Variants in PRIMPOL observed in about 807,000 individuals in gnomAD.
PRIMPOL encodes the protein DNA-directed primase/polymerase protein.
In PRIMPOL, 54 loss-of-function variants were observed where a neutral mutation model predicts 63.6. The observed-to-expected ratio is 0.85, with a 90% CI of 0.68 to 1.07. The LOEUF (loss-of-function observed/expected upper bound fraction) is 1.07, where lower values mean the gene tolerates loss of function less well. PRIMPOL is among the 50% of genes least tolerant of loss of function. PRIMPOL has a pLI of 0.00. For missense variants in PRIMPOL, 610 were observed against 648.3 expected, an observed-to-expected ratio of 0.94 and a Z score of 0.64; for synonymous variants, 197 against 220.2, an observed-to-expected ratio of 0.89 and a Z score of 0.93.
At chr4:184,662,575 A>T (rs983053178) in intron 5 of PRIMPOL, among the ~76,000 whole-genome samples, 1 of 152,174 alleles carries the variant, frequency 6.6e-6, no homozygotes, top group African/African-American at 2.4e-5. Context: ...TTCAAAAAAA[A>T]TTTTCAGATT....
chr4:184,685,074 G>A (rs1299193140), intron 9 of PRIMPOL, among the ~76,000 whole-genome samples: 1 of 152,154 alleles, frequency 6.6e-6, no homozygotes, highest in African/African-American at 2.4e-5. Context: ...TGAGGTAGGC[G>A]TGCCAGGCTA....
intron 5 of PRIMPOL, among the ~76,000 whole-genome samples, chr4:184,662,890 A>G (rs1748749905): frequency 1.3e-5 from 2 of 151,762 alleles, no homozygotes; most frequent in South Asian, 4.1e-4. Context: ...AGAAATATAT[A>G]TAAAGTCCCC....
chr4:184,670,496 A>T (rs1751277382), intron 6 of PRIMPOL, among the ~76,000 whole-genome samples: 1 of 151,684 alleles, frequency 6.6e-6, no homozygotes, highest in Admixed American at 6.6e-5. Context: ...TGATTTTGAC[A>T]TTTAGTGCTT....
At chr4:184,674,528 T>A (rs958719714) in intron 7 of PRIMPOL, among the ~76,000 whole-genome samples, 4 of 152,190 alleles carry the variant, frequency 2.6e-5, no homozygotes, top group African/African-American at 4.8e-5. Flanking sequence ...TGGAATCATA[T>A]ACAGTTGACT....
At chr4:184,694,376 A>G in intron 13 of PRIMPOL, 146 bp from the exon 14 acceptor site, 1 of 1,414,584 alleles carries the variant, frequency 7.1e-7, no homozygotes, top group Non-Finnish European at 9.2e-7. Flanking sequence ...CCACGGTGAG[A>G]TATCGGAGAC....
chr4:184,652,826 G>C (rs1290159940), intron 2 of PRIMPOL, among the ~76,000 whole-genome samples: 1 of 151,226 alleles, frequency 6.6e-6, no homozygotes, highest in African/African-American at 2.4e-5. Flanking sequence ...TGGGGAATAG[G>C]AATTGACCAG....
In PRIMPOL at chr4:184,684,047, C is replaced by A. The variant is rs186220030; in HGVS notation, c.1097-1362C>A. On this transcript the variant is annotated intron_variant, in intron 9 of 13. Coordinates refer to ENST00000314970, the MANE Select transcript of PRIMPOL (RefSeq NM_152683.4). ...GTATTTATAGACATTGATTTAGAGTCTGCCTCTCACATTTCCACATTAATA... is the reference window on the plus strand; with the variant it reads ...GTATTTATAGACATTGATTTAGAGTATGCCTCTCACATTTCCACATTAATA... Among the ~76,000 whole-genome samples, 392 of 152,284 alleles carry A rather than the reference C, an allele frequency of 2.6e-3. 1 individual carries two copies. The highest frequency in any genetic ancestry group is 4.0e-3 in the Non-Finnish European group (270 of 68,028).
At chr4:184,684,411 G>A (rs1223189037) in intron 9 of PRIMPOL, among the ~76,000 whole-genome samples, 1 of 151,112 alleles carries the variant, frequency 6.6e-6, no homozygotes, top group Non-Finnish European at 1.5e-5. Flanking sequence ...AGCCGAGATC[G>A]CGCCACTGCA....
chr4:184,684,852 A>G (rs1756596700), intron 9 of PRIMPOL, among the ~76,000 whole-genome samples: 1 of 152,196 alleles, frequency 6.6e-6, no homozygotes, highest in Admixed American at 6.5e-5. Context: ...ACTTTGTTAA[A>G]AAAAACAAAC....
At chr4:184,670,651 C>T (rs2150085267) in intron 6 of PRIMPOL, among the ~76,000 whole-genome samples, 1 of 150,952 alleles carries the variant, frequency 6.6e-6, no homozygotes, top group South Asian at 2.1e-4. Flanking sequence ...CAGGTTCAAG[C>T]AATTCTCTTG....
At chr4:184,659,230 CA>C (rs1159720075) in intron 3 of PRIMPOL, 109 bp from the exon 4 acceptor site, 1 of 758,696 alleles carries the variant, frequency 1.3e-6, no homozygotes, top group African/African-American at 1.8e-5. Flanking sequence ...GTTCAAATTA[CA>C]GTTTCTGAAA....
intron 8 of PRIMPOL, 74 bp downstream of exon 8, chr4:184,678,468 T>A: frequency 9.6e-7 from 1 of 1,036,984 alleles, no homozygotes; most frequent in Non-Finnish European, 1.4e-6. Context: ...TGTATATTAC[T>A]AAAATGTAAA....
intron 13 of PRIMPOL, among the ~76,000 whole-genome samples, chr4:184,692,197 G>A (rs1387456080): frequency 1.3e-5 from 2 of 152,058 alleles, no homozygotes; most frequent in Non-Finnish European, 1.5e-5. Context: ...AATTAGGTCA[G>A]GCACAGTGGC....
intron 6 of PRIMPOL, among the ~76,000 whole-genome samples, chr4:184,666,319 C>T (rs1389115043): frequency 5.3e-5 from 8 of 152,076 alleles, no homozygotes; most frequent in Non-Finnish European, 2.9e-5. Flanking sequence ...ACTAATTAGC[C>T]GGGCATGGTG....
At chr4:184,685,315 G>A (rs1183478514) in intron 9 of PRIMPOL, 94 bp from the exon 10 acceptor site, 5 of 897,400 alleles carry the variant, frequency 5.6e-6, no homozygotes, top group Admixed American at 2.0e-5. Context: ...CTGAGAGATT[G>A]CAAAACCCGT....
intron 2 of PRIMPOL, among the ~76,000 whole-genome samples, chr4:184,655,725 G>A (rs369264838): frequency 7.2e-5 from 11 of 152,094 alleles, no homozygotes; most frequent in Admixed American, 2.6e-4. Flanking sequence ...TCAAGACAAT[G>A]TTTATCAACT....
At chr4:184,672,884 G>A (rs868202504) in intron 7 of PRIMPOL, among the ~76,000 whole-genome samples, 1 of 152,134 alleles carries the variant, frequency 6.6e-6, no homozygotes, top group Non-Finnish European at 1.5e-5. Context: ...GGTAGTGGCA[G>A]GGCCCATTTC....
rs1750138419 is a variant in PRIMPOL at position 184,667,129 on chromosome 4, T to G, written c.556+1065T>G. 1.3e-5 allele frequency among the ~76,000 whole-genome samples: 2 copies of G among 152,150 alleles called. 1 individual carries two copies. Among genetic ancestry groups the G allele is most frequent in the South Asian group, 4.1e-4 (2 of 4,828 alleles). On this transcript the variant is annotated intron_variant, in intron 6 of 13. Transcript: ENST00000314970. Reference sequence around the variant, plus strand: ...TGGCATGAAAGCCAGGAACCTGATTTCTGGATTAGGGGAAGGTGGCCACAG... The same window carrying G: ...TGGCATGAAAGCCAGGAACCTGATTGCTGGATTAGGGGAAGGTGGCCACAG...
intron 3 of PRIMPOL, 194 bp downstream of exon 3, chr4:184,657,514 A>C: frequency 2.0e-6 from 1 of 504,992 alleles, no homozygotes; most frequent in African/African-American, 1.9e-5. Context: ...CCTGTGAATC[A>C]TTAACCATTT....
Sources: allele counts gnomAD v4.1 joint callset (sites outside exome capture counted in the v4.1 genomes callset), GRCh38; gene constraint gnomAD v4.1.1; transcripts MANE v1.5; gene names NCBI Gene and HGNC (gene_info 2026-07-23, HGNC 2026-07-21).